PLEKHA8: variants seen among roughly 807,000 people sequenced by gnomAD.
The protein encoded by PLEKHA8 is pleckstrin homology domain containing A8.
In PLEKHA8, 36 loss-of-function variants were observed where a neutral mutation model predicts 68.2. The observed-to-expected ratio is 0.53, with a 90% CI of 0.40 to 0.70. The LOEUF (loss-of-function observed/expected upper bound fraction) is 0.70, where lower values mean the gene tolerates loss of function less well. PLEKHA8 is among the 30% of genes least tolerant of loss of function. PLEKHA8 has a pLI of 0.00. For missense variants in PLEKHA8, 505 were observed against 615.4 expected, an observed-to-expected ratio of 0.82 and a Z score of 1.90; for synonymous variants, 211 against 216.1, an observed-to-expected ratio of 0.98 and a Z score of 0.20.
chr7:30,042,571 A>G (rs1791624389), intron 1 of PLEKHA8, among the ~76,000 whole-genome samples: 2 of 152,176 alleles, frequency 1.3e-5, no homozygotes, highest in South Asian at 2.1e-4. Context: ...CTTTCTGGGA[A>G]TGGGGAGCCA....
intron 1 of PLEKHA8, among the ~76,000 whole-genome samples, chr7:30,041,393 A>G (rs1791520311): frequency 6.6e-6 from 1 of 151,284 alleles, no homozygotes; most frequent in Non-Finnish European, 1.5e-5. Context: ...GTAATATTTC[A>G]GTTGCTATTA....
intron 2 of PLEKHA8, 119 bp downstream of exon 2, chr7:30,045,320 T>G: frequency 2.9e-6 from 2 of 688,948 alleles, no homozygotes; most frequent in Non-Finnish European, 4.8e-6. Context: ...CCAAGGGACA[T>G]AGTGTTATGT....
Position 30,061,988 on chromosome 7 carries a change from TTAGGAAC to T in PLEKHA8, c.1192_1198del (p.Arg398GlnfsTer9). The T allele has an allele frequency of 6.2e-7, 1 of 1,613,838 alleles. No individual in the cohort carries two copies. Among genetic ancestry groups the T allele is most frequent in the Non-Finnish European group, 8.5e-7 (1 of 1,179,916 alleles). On this transcript the variant is annotated frameshift_variant, in exon 11 of 14. Transcript: ENST00000449726. LOFTEE classifies it high-confidence loss of function. ...GAAGTGGAGGCGGATGTAGCCCAGG[TTAGGAAC>T]TCAGCGACTGAAGCCCTCTTGTGGC...
intron 13 of PLEKHA8, among the ~76,000 whole-genome samples, chr7:30,127,966 CT>C (rs147878345): frequency 1.3e-5 from 2 of 151,826 alleles, no homozygotes; most frequent in African/African-American, 4.8e-5. Context: ...ATGATTTTAC[CT>C]TTTTTTAAAC....
intron 12 of PLEKHA8, among the ~76,000 whole-genome samples, chr7:30,070,000 G>A (rs904890798): frequency 1.3e-5 from 2 of 152,118 alleles, no homozygotes; most frequent in African/African-American, 2.4e-5. Context: ...GAAGATTAAT[G>A]TATTTCATTA....
intron 13 of PLEKHA8, among the ~76,000 whole-genome samples, chr7:30,111,625 CTT>C (rs879655642): frequency 2.8e-5 from 4 of 143,144 alleles, no homozygotes; most frequent in Admixed American, 7.0e-5. Flanking sequence ...ACCATTAGGA[CTT>C]TTTTTTTTTT....
intron 13 of PLEKHA8, among the ~76,000 whole-genome samples, chr7:30,127,893 C>G (rs922403156): frequency 6.6e-6 from 1 of 152,144 alleles, no homozygotes; most frequent in Non-Finnish European, 1.5e-5. Flanking sequence ...CTTACTGGTT[C>G]CCTTATGAGT....
intron 9 of PLEKHA8, among the ~76,000 whole-genome samples, chr7:30,055,848 G>A (rs557264389): frequency 6.6e-6 from 1 of 151,854 alleles, no homozygotes; most frequent in East Asian, 1.9e-4. Context: ...GTGGATATGG[G>A]TTTCGTCATG....
At chr7:30,125,188 G>A (rs1186807177) in intron 13 of PLEKHA8, among the ~76,000 whole-genome samples, 1 of 152,102 alleles carries the variant, frequency 6.6e-6, no homozygotes, top group Non-Finnish European at 1.5e-5. Context: ...TGTTACTATT[G>A]TAGGATTTGT....
chr7:30,049,887 C>A (rs967901125), intron 5 of PLEKHA8, among the ~76,000 whole-genome samples: 1 of 152,188 alleles, frequency 6.6e-6, no homozygotes, highest in African/African-American at 2.4e-5. Flanking sequence ...TTTTCCAGTG[C>A]CAGGAATGCT....
At chr7:30,058,285 T>C (rs1226419913) in intron 9 of PLEKHA8, among the ~76,000 whole-genome samples, 1 of 152,144 alleles carries the variant, frequency 6.6e-6, no homozygotes, top group African/African-American at 2.4e-5. Flanking sequence ...TCAGAAGTTT[T>C]AAATTTCCAT....
At chr7:30,045,998 A>T (rs1382041942) in intron 2 of PLEKHA8, among the ~76,000 whole-genome samples, 1 of 152,194 alleles carries the variant, frequency 6.6e-6, no homozygotes, top group Non-Finnish European at 1.5e-5. Flanking sequence ...CTTGGAGGCA[A>T]TTGCAAGGTT....
At chr7:30,049,412 A>G in intron 5 of PLEKHA8, 30 bp downstream of exon 5, 1 of 1,603,634 alleles carries the variant, frequency 6.2e-7, no homozygotes, top group African/African-American at 1.3e-5. Context: ...TGGCTGCAAC[A>G]AGGCATCAAG....
At chr7:30,044,719 C>A (rs535681742) in intron 1 of PLEKHA8, among the ~76,000 whole-genome samples, 1 of 152,084 alleles carries the variant, frequency 6.6e-6, no homozygotes, top group Admixed American at 6.6e-5. Flanking sequence ...CCTAATTATT[C>A]GTCTTAGAAA....
At chr7:30,112,578 G>A (rs545064109) in intron 13 of PLEKHA8, among the ~76,000 whole-genome samples, 6 of 152,026 alleles carry the variant, frequency 3.9e-5, no homozygotes, top group Non-Finnish European at 7.4e-5. Context: ...GGCCAGGCAC[G>A]GTGGCTCATG....
chr7:30,056,906 C>T (rs947378348), intron 9 of PLEKHA8, among the ~76,000 whole-genome samples: 1 of 145,818 alleles, frequency 6.9e-6, no homozygotes, highest in African/African-American at 2.5e-5. Flanking sequence ...TTATATCTAA[C>T]AAATACATAA....
At chr7:30,115,160 A>T (rs935167241) in intron 13 of PLEKHA8, among the ~76,000 whole-genome samples, 1 of 152,056 alleles carries the variant, frequency 6.6e-6, no homozygotes, top group African/African-American at 2.4e-5. Context: ...ATTTAAAATA[A>T]TTTTTGCTGT....
chr7:30,042,986 A>G (rs574736946), intron 1 of PLEKHA8, among the ~76,000 whole-genome samples: 4 of 142,060 alleles, frequency 2.8e-5, no homozygotes, highest in Admixed American at 2.8e-4. Context: ...CTTGAAGCCA[A>G]GGTCTAGAAG....
chr7:30,040,682 A>G (rs889943894), intron 1 of PLEKHA8, among the ~76,000 whole-genome samples: 1 of 152,214 alleles, frequency 6.6e-6, no homozygotes, highest in Non-Finnish European at 1.5e-5. Context: ...AATGTCAAGT[A>G]TGCTTTCTGT....
Sources: allele counts gnomAD v4.1 joint callset (sites outside exome capture counted in the v4.1 genomes callset), GRCh38; gene constraint gnomAD v4.1.1; transcripts MANE v1.5; gene names NCBI Gene and HGNC (gene_info 2026-07-23, HGNC 2026-07-21).